Variants in OR2T12 observed in about 807,000 individuals in gnomAD.
The protein encoded by OR2T12 is olfactory receptor 2T12.
For synonymous variants in OR2T12, 127 were observed against 160.5 expected, an observed-to-expected ratio of 0.79 and a Z score of 1.58; for missense variants, 335 against 404.3, an observed-to-expected ratio of 0.83 and a Z score of 1.47.
At chr1:248,300,362 C>T (rs943530484) in intron 2 of OR2T12, among the ~76,000 whole-genome samples, 2 of 152,040 alleles carry the variant, frequency 1.3e-5, no homozygotes, top group African/African-American at 4.8e-5. Flanking sequence ...GTCTCAACCT[C>T]CTCCCTTTCT....
chr1:248,297,820 T>C (rs4553230), intron 2 of OR2T12, among the ~76,000 whole-genome samples: 111,604 of 145,860 alleles, frequency 0.77, 42,954 homozygotes, highest in South Asian at 0.87. Flanking sequence ...ACTTCCTCTT[T>C]TCCTAATTGA....
chr1:248,301,877 G>A (rs750190670), intron 1 of OR2T12, among the ~76,000 whole-genome samples: 1 of 151,860 alleles, frequency 6.6e-6, no homozygotes, highest in South Asian at 2.1e-4. Flanking sequence ...GCAATATATT[G>A]TAACACAAAA....
intron 1 of OR2T12, among the ~76,000 whole-genome samples, 180 bp from the exon 2 acceptor site, chr1:248,301,733 A>C (rs1659813558): frequency 6.6e-6 from 1 of 152,082 alleles, no homozygotes; most frequent in Non-Finnish European, 1.5e-5. Flanking sequence ...TGTTGTAATA[A>C]ATTCCGTCAT....
At chr1:248,297,791 C>T (rs4600078) in intron 2 of OR2T12, among the ~76,000 whole-genome samples, 113,356 of 144,216 alleles carry the variant, frequency 0.79, 44,913 homozygotes, top group South Asian at 0.87. Context: ...TCATGTCATC[C>T]GCAAACAGGG....
Position 248,295,411 on chromosome 1 carries a change from G to A in OR2T12, c.168C>T (p.Pro56=). The change falls in exon 3 of 3, where the codon CCC becomes CCT. Residue 56 remains proline (P), a synonymous_variant. Coordinates refer to ENST00000641276, the MANE Select transcript of OR2T12 (RefSeq NM_001004692.2). ...AAAGTTGGCTCAGGAGGAAGTACAT[G>A]GGCCTGTGGAGCCGGTGGTCCCAGT... is the stretch of plus-strand genomic sequence containing the variant. ...LIHWDHRLHR[P]MYFLLSQLSL... 3 of 1,605,822 alleles carry A rather than the reference G, an allele frequency of 1.9e-6. No individual in the cohort carries two copies. Among genetic ancestry groups the A allele is most frequent in the South Asian group, 1.1e-5 (1 of 90,190 alleles).
intron 2 of OR2T12, among the ~76,000 whole-genome samples, chr1:248,297,648 CTCTG>C (rs1558278059): frequency 6.6e-6 from 1 of 152,020 alleles, no homozygotes; most frequent in Non-Finnish European, 1.5e-5. Flanking sequence ...TGATTTGGCT[CTCTG>C]TCTGTTATTG....
rs576024380 is a variant in OR2T12, at chr1:248,300,321, T to C, written c.-9+1052A>G. 2.3e-4 allele frequency among the ~76,000 whole-genome samples: 35 copies of C among 152,252 alleles called. 1 individual carries two copies. The South Asian group carries it at 6.0e-3, about 26-fold the overall frequency. On this transcript the variant is annotated intron_variant, in intron 2 of 2. Transcript: ENST00000641276. ...CGATCACATGATAGTAGGCAAATCA[T>C]TTTTGTCAATCATCATGAAGAGAGA...
At chr1:248,296,352 AC>A (rs1421123912) in intron 2 of OR2T12, among the ~76,000 whole-genome samples, 90 of 152,178 alleles carry the variant, frequency 5.9e-4, no homozygotes, top group African/African-American at 2.0e-3. Context: ...TGATTTATAG[AC>A]CTTTGGGTAT....
rs1659648483 is a variant in OR2T12 at position 248,292,669 on chromosome 1, CT to C, written c.*1946del. 1 of 151,924 alleles carries C rather than the reference CT, an allele frequency of 6.6e-6. No individual in the cohort carries two copies. The highest frequency in any genetic ancestry group is 1.5e-5 in the Non-Finnish European group (1 of 67,896). 9.4% of individuals were successfully genotyped at this position (151,924 alleles called of 1,614,324 possible). On this transcript the variant is annotated 3_prime_UTR_variant, in exon 3 of 3. Transcript: ENST00000641276. ...ATCAGATAACTAGTCTGAAATACCA[CT>C]TCTTTGAAACATGTCTATTTTTATA...
At chr1:248,299,242 C>T (rs998526594) in intron 2 of OR2T12, among the ~76,000 whole-genome samples, 3 of 152,098 alleles carry the variant, frequency 2.0e-5, no homozygotes, top group Non-Finnish European at 4.4e-5. Flanking sequence ...CAGACTGGCA[C>T]ATTGGATAAA....
chr1:248,296,782 A>C (rs1182585712), intron 2 of OR2T12, among the ~76,000 whole-genome samples: 7 of 151,952 alleles, frequency 4.6e-5, no homozygotes, highest in Non-Finnish European at 1.0e-4. Context: ...AGGTTGCGAA[A>C]ATTTTCTCCC....
rs372733578 is a variant in OR2T12 at position 248,294,630 on chromosome 1, G to A, written c.949C>T (p.His317Tyr). ...CTGACACTAGATCATCTTGACCTGT[G>A]GGCCTCATTTTGCTGGTGTTTTAGG... ...VNLKHQQNEAHRSR is the reference protein window; with the variant it reads ...VNLKHQQNEAYRSR Residue 317 changes from histidine (H) to tyrosine (Y), a missense_variant, in exon 3 of 3, where the codon CAC (histidine) becomes TAC (tyrosine). Physicochemically the swap from His to Tyr is moderately conservative, Grantham distance 83 (BLOSUM62 2). Transcript: ENST00000641276. The A allele has an allele frequency of 1.2e-6, 2 of 1,613,870 alleles. No individual in the cohort carries two copies. Among genetic ancestry groups the A allele is most frequent in the South Asian group, 2.2e-5 (2 of 91,044 alleles).
At position 248,292,461 on chromosome 1, in the gene OR2T12, T is replaced by C. The variant is rs1400650446; in HGVS notation, c.*2155A>G. ...AATAACTAAAAGCTTCCAGAGACAA[T>C]GTATCTTCAATATAAGTGTCTGAAA... On this transcript the variant is annotated 3_prime_UTR_variant, in exon 3 of 3. Transcript: ENST00000641276. 6.6e-6 allele frequency: 1 copy of C among 152,140 alleles called. No individual in the cohort carries two copies. The highest frequency in any genetic ancestry group is 1.5e-5 in the Non-Finnish European group (1 of 67,978). 9.4% of individuals were successfully genotyped at this position (152,140 alleles called of 1,614,324 possible).
chr1:248,300,563 G>T (rs1483455688), intron 2 of OR2T12, among the ~76,000 whole-genome samples: 1 of 152,042 alleles, frequency 6.6e-6, no homozygotes, highest in African/African-American at 2.4e-5. Context: ...AAAATACATT[G>T]TATTGCCTCA....
intron 2 of OR2T12, among the ~76,000 whole-genome samples, chr1:248,299,351 CAA>C (rs1659780458): frequency 6.6e-6 from 1 of 151,794 alleles, no homozygotes; most frequent in Non-Finnish European, 1.5e-5. Context: ...ATCTACCAAG[CAA>C]ATGGAAAACA....
chr1:248,301,065 C>T (rs1572833568), intron 2 of OR2T12, among the ~76,000 whole-genome samples: 4 of 152,066 alleles, frequency 2.6e-5, no homozygotes, highest in African/African-American at 9.7e-5. Flanking sequence ...TAAATGCACT[C>T]TTATTTGTGT....
chr1:248,298,195 T>A (rs907565213), intron 2 of OR2T12, among the ~76,000 whole-genome samples: 8 of 152,214 alleles, frequency 5.3e-5, no homozygotes. Context: ...ATCCCAGCGA[T>A]GAAGCCCACT....
At position 248,292,415 on chromosome 1, in the gene OR2T12, A is replaced by C. The variant is rs572486488; in HGVS notation, c.*2201T>G. On this transcript the variant is annotated 3_prime_UTR_variant, in exon 3 of 3. Coordinates refer to ENST00000641276, the MANE Select transcript of OR2T12 (RefSeq NM_001004692.2). ...AGATTCATAAGAACCATATCTTCTC[A>C]TTTTCAAACACACAATGGGAAATAA... is the stretch of plus-strand genomic sequence containing the variant. The C allele has an allele frequency of 6.6e-6, 1 of 152,222 alleles. No individual in the cohort carries two copies. The allele number at this position is 152,222 out of a possible 1,614,324, so 9.4% of individuals were successfully genotyped here.
intron 2 of OR2T12, among the ~76,000 whole-genome samples, chr1:248,296,865 C>T (rs1225768356): frequency 2.6e-5 from 4 of 152,114 alleles, no homozygotes; most frequent in Non-Finnish European, 5.9e-5. Flanking sequence ...TACTTAGATC[C>T]CATTTGTCAA....
Sources: gnomAD v4.1 joint callset for allele counts (sites outside exome capture counted in the v4.1 genomes callset) on GRCh38, gnomAD v4.1.1 for gene constraint, MANE v1.5 for transcripts, NCBI Gene and HGNC (gene_info 2026-07-23, HGNC 2026-07-21) for gene names.